SEMA6D: variants seen among roughly 807,000 people sequenced by gnomAD.
SEMA6D encodes semaphorin 6D.
Under a neutral mutation model 106.6 loss-of-function variants are expected in SEMA6D, and 35 were observed. The ratio of observed to expected loss-of-function variants is 0.33; its 90% confidence interval spans 0.25 to 0.44. The LOEUF (loss-of-function observed/expected upper bound fraction) is 0.44, where lower values mean the gene tolerates loss of function less well. SEMA6D is among the 20% of genes least tolerant of loss of function. The probability of loss-of-function intolerance (pLI) is 1.00; values close to 1 mark genes in which losing one functional copy is unlikely to be tolerated. For missense variants in SEMA6D, 1,185 were observed against 1,345.9 expected, an observed-to-expected ratio of 0.88 and a Z score of 1.87; for synonymous variants, 499 against 487.7, an observed-to-expected ratio of 1.02 and a Z score of -0.31.
intron 3 of SEMA6D, among the ~76,000 whole-genome samples, chr15:47,570,972 TGAG>T (rs1428956870): frequency 1.3e-5 from 2 of 152,316 alleles, no homozygotes; most frequent in East Asian, 3.9e-4. Context: ...CATCTAGGGC[TGAG>T]GAGTTTTAGA....
chr15:47,394,158 G>A (rs2145863178), intron 1 of SEMA6D, among the ~76,000 whole-genome samples: 1 of 152,156 alleles, frequency 6.6e-6, no homozygotes, highest in Middle Eastern at 3.4e-3. Flanking sequence ...TCAGGACTTG[G>A]GTAGCTTTCT....
intron 2 of SEMA6D, among the ~76,000 whole-genome samples, chr15:47,457,335 A>C (rs1182489984): frequency 1.3e-5 from 2 of 152,036 alleles, no homozygotes; most frequent in Non-Finnish European, 1.5e-5. Context: ...AGAAGAAAAA[A>C]TACACGTTTT....
intron 1 of SEMA6D, among the ~76,000 whole-genome samples, chr15:47,270,324 A>G (rs555764949): frequency 6.6e-5 from 10 of 151,702 alleles, no homozygotes; most frequent in South Asian, 4.1e-4. Flanking sequence ...TTGACCTTCT[A>G]TCCTATAACC....
intron 4 of SEMA6D, among the ~76,000 whole-genome samples, chr15:47,603,150 A>G (rs2143547834): frequency 6.6e-6 from 1 of 152,258 alleles, no homozygotes; most frequent in East Asian, 1.9e-4. Flanking sequence ...TATAGGAGAT[A>G]AACTTCTTCA....
chr15:47,760,729 G>A (rs146958645), intron 3 of SEMA6D, among the ~76,000 whole-genome samples: 1 of 152,174 alleles, frequency 6.6e-6, no homozygotes, highest in Non-Finnish European at 1.5e-5. Flanking sequence ...TTAGAAATAT[G>A]TCTATGCTAA....
chr15:47,742,316 G>A (rs1175556175), intron 1 of SEMA6D, among the ~76,000 whole-genome samples: 4 of 152,124 alleles, frequency 2.6e-5, no homozygotes, highest in Non-Finnish European at 5.9e-5. Flanking sequence ...TGGTGAAAGA[G>A]GGAGTCAACA....
chr15:47,344,292 G>A (rs2037953949), intron 1 of SEMA6D, among the ~76,000 whole-genome samples: 1 of 152,140 alleles, frequency 6.6e-6, no homozygotes, highest in Non-Finnish European at 1.5e-5. Context: ...AATATCTGAG[G>A]ACTTCTGCTT....
chr15:47,307,101 A>T (rs1353053594), intron 1 of SEMA6D, among the ~76,000 whole-genome samples: 1 of 152,156 alleles, frequency 6.6e-6, no homozygotes. Context: ...TTTAATGGGG[A>T]TAATAATAGC....
chr15:47,771,687 C>G lies in SEMA6D; in HGVS notation c.3124C>G (p.Leu1042Val), dbSNP rs917734565. ...TSNGTLPRTG[L>V]KRTPSLKPDV... is the part of the protein sequence containing the mutation. Reference sequence around the variant, plus strand: ...TAATGGCACTCTTCCTAGGACGGGACTAAAGAGGACGCCGTCCTTAAAACC... The same window carrying G: ...TAATGGCACTCTTCCTAGGACGGGAGTAAAGAGGACGCCGTCCTTAAAACC... Residue 1042 changes from leucine (L) to valine (V), a missense_variant, in exon 19 of 19, where the codon CTA becomes GTA. Transcript: ENST00000536845. 2.5e-6 allele frequency: 4 copies of G among 1,613,958 alleles called. No individual in the cohort carries two copies. Among genetic ancestry groups the G allele is most frequent in the Non-Finnish European group, 3.4e-6 (4 of 1,179,976 alleles).
At chr15:47,271,439 G>C (rs182526282) in intron 1 of SEMA6D, among the ~76,000 whole-genome samples, 47 of 152,200 alleles carry the variant, frequency 3.1e-4, no homozygotes, top group African/African-American at 1.1e-3. Context: ...TGTGTGTTGG[G>C]GGATTCTTAA....
chr15:47,213,336 T>C (rs2030228845), intron 1 of SEMA6D, among the ~76,000 whole-genome samples: 1 of 152,236 alleles, frequency 6.6e-6, no homozygotes, highest in Admixed American at 6.5e-5. Flanking sequence ...TTTTACATTT[T>C]ATTCATTTTA....
At position 47,697,897 on chromosome 15, in the gene SEMA6D, T is replaced by C. The variant is rs114291680; in HGVS notation, c.-54-61848T>C. On this transcript the variant is annotated intron_variant, in intron 4 of 19. Coordinates refer to the SEMA6D transcript ENST00000558014. The stretch of plus-strand genomic sequence containing the variant: ...ATTTGTTGGAAAATACTGAGAGCCA[T>C]GAAACTTAGATTCCATTCCAACCCA... 4.9e-3 allele frequency among the ~76,000 whole-genome samples: 746 copies of C among 152,324 alleles called. 6 individuals are homozygous for C. The highest frequency in any genetic ancestry group is 0.017 in the African/African-American group (699 of 41,578).
At chr15:47,510,098 T>C (rs2076867567) in intron 3 of SEMA6D, among the ~76,000 whole-genome samples, 1 of 152,190 alleles carries the variant, frequency 6.6e-6, no homozygotes, top group African/African-American at 2.4e-5. Flanking sequence ...CCCTGGGCCA[T>C]GGACCCATAC....
chr15:47,529,789 T>C (rs1596251771), intron 3 of SEMA6D, among the ~76,000 whole-genome samples: 1 of 152,258 alleles, frequency 6.6e-6, no homozygotes, highest in East Asian at 1.9e-4. Context: ...AAGGCTATCA[T>C]ATTTATTTTT....
chr15:47,752,969 A>G (rs1296980455), intron 1 of SEMA6D, among the ~76,000 whole-genome samples: 1 of 152,012 alleles, frequency 6.6e-6, no homozygotes, highest in Non-Finnish European at 1.5e-5. Context: ...AGGTTGCACC[A>G]CTGCACTCCA....
At position 47,236,988 on chromosome 15, in the gene SEMA6D, A is replaced by G. The variant is rs79710439; in HGVS notation, c.-239+52570A>G. Among the ~76,000 whole-genome samples the G allele has an allele frequency of 2.2e-3, 335 of 152,296 alleles. 7 individuals are homozygous for G. In the East Asian group the frequency reaches 0.062, roughly 28 times the overall value. ...TGACATTACATCCTCCTGCTGGATAATGCTTGTGTTCTATTGAATCAAATG... is the reference window on the plus strand; with the variant it reads ...TGACATTACATCCTCCTGCTGGATAGTGCTTGTGTTCTATTGAATCAAATG... On this transcript the variant is annotated intron_variant, in intron 1 of 19. Transcript: ENST00000558014.
chr15:47,241,439 G>A (rs577762021), intron 1 of SEMA6D: 50 of 152,352 alleles, frequency 3.3e-4, no homozygotes, highest in African/African-American at 1.2e-3. Context: ...TTCATTTTTG[G>A]TTTTGTTTTT....
chr15:47,373,121 C>T (rs2039333318), intron 1 of SEMA6D, among the ~76,000 whole-genome samples: 1 of 152,182 alleles, frequency 6.6e-6, no homozygotes. Flanking sequence ...ACTGCATTGT[C>T]TGGCACAATG....
intron 2 of SEMA6D, among the ~76,000 whole-genome samples, chr15:47,432,171 TACTC>T (rs1258585969): frequency 6.6e-6 from 1 of 152,126 alleles, no homozygotes; most frequent in African/African-American, 2.4e-5. Context: ...GACCTGTTAA[TACTC>T]ACACTGAAAA....
Sources: allele counts gnomAD v4.1 joint callset (sites outside exome capture counted in the v4.1 genomes callset), GRCh38; gene constraint gnomAD v4.1.1; transcripts MANE v1.5; gene names NCBI Gene and HGNC (gene_info 2026-07-23, HGNC 2026-07-21).